The following PCDH9 variants were observed in gnomAD, a reference collection of about 807,000 sequenced individuals.
PCDH9 encodes the protein protocadherin 9, also known as protocadherin-9.
PCDH9 carries 24 observed loss-of-function variants against 70.6 expected under a neutral mutation model. The ratio of observed to expected loss-of-function variants is 0.34; its 90% CI spans 0.25 to 0.48. The LOEUF (loss-of-function observed/expected upper bound fraction) is 0.48. PCDH9 is among the 20% of genes least tolerant of loss of function. The pLI is 0.99. For synonymous variants in PCDH9, 562 were observed against 558.5 expected (o/e 1.01, Z -0.09); for missense variants, 1,281 against 1,503.6 (o/e 0.85, Z 2.45).
At chr13:66,905,266 C>T (rs992896014) in intron 2 of PCDH9, among the ~76,000 whole-genome samples, 5 of 151,808 alleles carry the variant, frequency 3.3e-5, no homozygotes, top group South Asian at 2.1e-4. Flanking sequence ...AATTCCTATC[C>T]CTAGCCTCTC....
intron 3 of PCDH9, among the ~76,000 whole-genome samples, chr13:66,669,407 G>A (rs1308261590): frequency 6.6e-6 from 1 of 152,028 alleles, no homozygotes; most frequent in Non-Finnish European, 1.5e-5. Flanking sequence ...CGTGTCCTTG[G>A]GGCAGAGAGC....
chr13:67,162,117 A>T (rs2087979280), intron 2 of PCDH9, among the ~76,000 whole-genome samples: 1 of 152,202 alleles, frequency 6.6e-6, no homozygotes, highest in African/African-American at 2.4e-5. Flanking sequence ...AATTTTTCAT[A>T]TTCAGGCTAA....
At chr13:66,737,203 AT>A (rs2079163945) in intron 3 of PCDH9, among the ~76,000 whole-genome samples, 1 of 94,798 alleles carries the variant, frequency 1.1e-5, no homozygotes, top group African/African-American at 3.2e-5. Context: ...TTTGTTCTCT[AT>A]TTCTATTTTT....
chr13:67,227,977 G>T lies in PCDH9; in HGVS notation c.464C>A (p.Thr155Asn). 1 of 1,614,106 alleles carries T rather than the reference G, an allele frequency of 6.2e-7. No individual in the cohort carries two copies. The highest frequency in any genetic ancestry group is 1.3e-5 in the African/African-American group (1 of 75,030). The stretch of plus-strand genomic sequence containing the variant: ...AATTGGAAAGCGGCTGTTGATCAAA[G>T]TGTTTTCTGGAATGGAAATATTGAT... ...PVINISIPENTLINSRFPIPS... is the reference protein window; with the variant it reads ...PVINISIPENNLINSRFPIPS... Residue 155 changes from threonine to asparagine, a missense_variant, in exon 2 of 5, where the codon ACT becomes AAT. This residue lies in a region of PCDH9 where 798 missense variants were observed against 1,003.1 expected (regional missense o/e 0.80). Transcript: ENST00000377865. This position sits in a 1 kb window ranked among gnomAD's most constrained non-coding sequence, Gnocchi z 4.6.
intron 2 of PCDH9, among the ~76,000 whole-genome samples, chr13:67,125,841 ATGTGTG>A (rs34815072): frequency 4.0e-5 from 6 of 150,074 alleles, no homozygotes; most frequent in Admixed American, 6.7e-5. Context: ...GTATATATAT[ATGTGTG>A]TGTGTGTGTG....
At chr13:66,543,038 T>G (rs1961032162) in intron 4 of PCDH9, among the ~76,000 whole-genome samples, 1 of 151,788 alleles carries the variant, frequency 6.6e-6, no homozygotes, top group Non-Finnish European at 1.5e-5. Flanking sequence ...ATAATAATAA[T>G]GGAGTGTTAA....
At chr13:66,588,807 G>GCAGA (rs3040238) in intron 4 of PCDH9, among the ~76,000 whole-genome samples, 144,005 of 150,916 alleles carry the variant, frequency 0.95, 69,093 homozygotes, top group East Asian at 1. Flanking sequence ...GGGTTCTAAT[G>GCAGA]CAGTGTGTTG....
intron 4 of PCDH9, among the ~76,000 whole-genome samples, chr13:66,481,350 C>T (rs1958833197): frequency 6.6e-6 from 1 of 151,236 alleles, no homozygotes; most frequent in Non-Finnish European, 1.5e-5. Context: ...CTTCAGCACT[C>T]ATCACCCTGA....
intron 3 of PCDH9, among the ~76,000 whole-genome samples, chr13:66,735,573 A>G (rs1320549104): frequency 6.6e-6 from 1 of 152,234 alleles, no homozygotes; most frequent in African/African-American, 2.4e-5. Context: ...TGTGTTTTAA[A>G]AAAAAGCAAC....
intron 4 of PCDH9, among the ~76,000 whole-genome samples, chr13:66,500,868 G>A (rs7326921): frequency 0.12 from 18,284 of 151,754 alleles, 1,275 homozygotes; most frequent in Middle Eastern, 0.21. Context: ...TACACTCTCC[G>A]TATGTCAGGG....
At chr13:67,168,052 A>T (rs748029818) in intron 2 of PCDH9, among the ~76,000 whole-genome samples, 2 of 152,168 alleles carry the variant, frequency 1.3e-5, no homozygotes, top group Non-Finnish European at 2.9e-5. Flanking sequence ...TAAAAATGAC[A>T]AACACAATCC....
intron 3 of PCDH9, among the ~76,000 whole-genome samples, chr13:66,772,417 T>G (rs1014349527): frequency 5.3e-5 from 8 of 152,234 alleles, no homozygotes; most frequent in African/African-American, 1.9e-4. Flanking sequence ...TTTCCTCATT[T>G]ATAAAATTAT....
chr13:66,410,732 A>T (rs1045889549), intron 4 of PCDH9, among the ~76,000 whole-genome samples: 6 of 152,202 alleles, frequency 3.9e-5, no homozygotes, highest in African/African-American at 7.2e-5. Flanking sequence ...ATGACTTAGA[A>T]TCATTTCATT....
intron 3 of PCDH9, among the ~76,000 whole-genome samples, chr13:66,752,213 A>G (rs1225083744): frequency 6.6e-6 from 1 of 152,250 alleles, no homozygotes; most frequent in Admixed American, 6.5e-5. Flanking sequence ...AGAAAAGTCA[A>G]GTTGGAAGAA....
At chr13:67,048,023 A>G (rs2085255504) in intron 2 of PCDH9, among the ~76,000 whole-genome samples, 1 of 152,166 alleles carries the variant, frequency 6.6e-6, no homozygotes, top group African/African-American at 2.4e-5. Flanking sequence ...CAGAAAAATA[A>G]TGTTCCTGCT....
At chr13:66,465,966 T>C (rs1305290563) in intron 4 of PCDH9, among the ~76,000 whole-genome samples, 1 of 151,960 alleles carries the variant, frequency 6.6e-6, no homozygotes, top group Admixed American at 6.6e-5. Context: ...ATGTTATTGT[T>C]TCCAACATGT....
intron 4 of PCDH9, among the ~76,000 whole-genome samples, chr13:66,325,315 TG>T (rs1463917208): frequency 6.6e-6 from 1 of 152,058 alleles, no homozygotes; most frequent in Non-Finnish European, 1.5e-5. Flanking sequence ...GGATAAGCGC[TG>T]GTCTTTAGGT....
intron 3 of PCDH9, among the ~76,000 whole-genome samples, chr13:66,772,103 G>GA (rs1288542805): frequency 2.6e-5 from 4 of 152,070 alleles, no homozygotes; most frequent in African/African-American, 9.7e-5. Context: ...AAGGAATTTG[G>GA]AAAAAATATT....
At chr13:66,609,557 T>A (rs1360256636) in intron 4 of PCDH9, among the ~76,000 whole-genome samples, 1 of 152,034 alleles carries the variant, frequency 6.6e-6, no homozygotes, top group Non-Finnish European at 1.5e-5. Context: ...TTTATGAAAA[T>A]TTATACTTTA....
Sources: allele counts gnomAD v4.1 joint callset (sites outside exome capture counted in the v4.1 genomes callset), GRCh38; gene constraint gnomAD v4.1.1; regional missense constraint gnomAD v4.1.1; non-coding constraint Gnocchi (gnomAD v3.1); transcripts MANE v1.5; gene names NCBI Gene and HGNC (gene_info 2026-07-23, HGNC 2026-07-21).